Variants in CYSTM1 observed in about 807,000 individuals in gnomAD.
CYSTM1 encodes cysteine-rich transmembrane module-containing protein 1.
In CYSTM1, 4 loss-of-function variants were observed where a neutral mutation model predicts 13.1. The ratio of observed to expected loss-of-function variants is 0.31; its 90% CI spans 0.15 to 0.70. The LOEUF (loss-of-function observed/expected upper bound fraction) is 0.70. CYSTM1 is among the 30% of genes least tolerant of loss of function. CYSTM1 has a pLI of 0.72. For missense variants in CYSTM1, 96 were observed against 121.6 expected, an observed-to-expected ratio of 0.79 and a Z score of 0.99; for synonymous variants, 36 against 42.7, an observed-to-expected ratio of 0.84 and a Z score of 0.62.
chr5:140,234,969 ATTT>A (rs33916926), intron 2 of CYSTM1, among the ~76,000 whole-genome samples: 52 of 126,970 alleles, frequency 4.1e-4, no homozygotes, highest in East Asian at 4.5e-4. Context: ...CTCATTCATA[ATTT>A]TTTTTTTTTT....
chr5:140,230,317 A>G lies in CYSTM1; in HGVS notation c.188-12988A>G, dbSNP rs921624007. On this transcript the variant is annotated intron_variant, in intron 2 of 2. Transcript: ENST00000261811. The surrounding 1 kb of genome is among the most constrained non-coding windows in gnomAD (Gnocchi z 4.1). ...GCCTGATGTGCTAGAAGCCAATTCC[A>G]TGACACTGGGTTTTTGAGAAAAGAA... Among the ~76,000 whole-genome samples the G allele has an allele frequency of 3.9e-5, 6 of 152,238 alleles. No homozygotes were observed. The highest frequency in any genetic ancestry group is 3.3e-4 in the Admixed American group (5 of 15,286).
intron 1 of CYSTM1, among the ~76,000 whole-genome samples, chr5:140,182,101 G>C (rs765561886): frequency 2.0e-5 from 3 of 152,140 alleles, no homozygotes; most frequent in African/African-American, 4.8e-5. Flanking sequence ...TTGTTTAAAA[G>C]GGAAACGATA....
intron 1 of CYSTM1, among the ~76,000 whole-genome samples, chr5:140,179,335 G>C (rs10067867): frequency 0.23 from 34,941 of 151,518 alleles, 4,056 homozygotes; most frequent in African/African-American, 0.25. Context: ...GAGGTGGGTG[G>C]ATTGCTTGAG....
chr5:140,207,171 A>G (rs1009228965), intron 2 of CYSTM1, among the ~76,000 whole-genome samples: 1 of 152,164 alleles, frequency 6.6e-6, no homozygotes, highest in South Asian at 2.1e-4. Flanking sequence ...CTGGACACAT[A>G]TATACCTTTT....
chr5:140,221,776 G>A (rs564658287), intron 2 of CYSTM1, among the ~76,000 whole-genome samples: 8 of 152,272 alleles, frequency 5.3e-5, no homozygotes, highest in South Asian at 2.1e-4. Context: ...ATGAATCACC[G>A]TTCTCTGCTG....
At chr5:140,176,050 G>C (rs542475937) in intron 1 of CYSTM1, among the ~76,000 whole-genome samples, 1 of 152,300 alleles carries the variant, frequency 6.6e-6, no homozygotes, top group East Asian at 1.9e-4. Flanking sequence ...CCGTCTGCTG[G>C]GCTGTTTTGG....
chr5:140,208,133 C>T (rs116161024), intron 2 of CYSTM1, among the ~76,000 whole-genome samples: 2,307 of 152,330 alleles, frequency 0.015, 21 homozygotes, highest in Non-Finnish European at 0.023. Flanking sequence ...AAAGAGATAC[C>T]TGCACTCTCA....
At chr5:140,193,391 C>T (rs1242938855) in intron 1 of CYSTM1, among the ~76,000 whole-genome samples, 2 of 152,224 alleles carry the variant, frequency 1.3e-5, no homozygotes, top group Admixed American at 1.3e-4. Flanking sequence ...TCAAGCGATT[C>T]TCCTGCCTCA....
At chr5:140,202,779 G>A (rs1764248577) in intron 2 of CYSTM1, 1 of 152,176 alleles carries the variant, frequency 6.6e-6, no homozygotes, top group Admixed American at 6.5e-5. Context: ...CAACTGCTGG[G>A]AGGGGTCAGG....
chr5:140,184,638 T>G (rs867710227), intron 1 of CYSTM1, among the ~76,000 whole-genome samples: 3 of 152,202 alleles, frequency 2.0e-5, no homozygotes, highest in South Asian at 4.1e-4. Flanking sequence ...TCATTTTAGT[T>G]GTTGATATTT....
chr5:140,228,469 T>C (rs563013241), intron 2 of CYSTM1, among the ~76,000 whole-genome samples: 1 of 152,138 alleles, frequency 6.6e-6, no homozygotes, highest in Admixed American at 6.5e-5. Flanking sequence ...AAGTACTGGG[T>C]TGGGTTTCCT....
intron 2 of CYSTM1, among the ~76,000 whole-genome samples, chr5:140,223,701 T>G (rs145551636): frequency 6.4e-4 from 96 of 148,930 alleles, no homozygotes; most frequent in African/African-American, 2.4e-3. Context: ...TAACCCAGCT[T>G]TCAGCTGGGT....
chr5:140,223,911 A>G (rs576956337), intron 2 of CYSTM1, among the ~76,000 whole-genome samples: 1 of 152,218 alleles, frequency 6.6e-6, no homozygotes. Flanking sequence ...AAGTTATTCC[A>G]GGGTGAGCCA....
intron 2 of CYSTM1, among the ~76,000 whole-genome samples, chr5:140,220,112 ATC>A (rs1554133219): frequency 6.6e-6 from 1 of 152,108 alleles, no homozygotes; most frequent in Non-Finnish European, 1.5e-5. Context: ...GTCATTTCCT[ATC>A]TCTGTTTCAC....
At chr5:140,227,722 T>G (rs1383132710) in intron 2 of CYSTM1, among the ~76,000 whole-genome samples, 1 of 152,046 alleles carries the variant, frequency 6.6e-6, no homozygotes, top group Non-Finnish European at 1.5e-5. Context: ...TTAGAGCAGT[T>G]GAAATAGACG....
chr5:140,223,333 G>A (rs1375642194), intron 2 of CYSTM1, among the ~76,000 whole-genome samples: 2 of 152,198 alleles, frequency 1.3e-5, no homozygotes, highest in Non-Finnish European at 2.9e-5. Flanking sequence ...GGAGTGGGAA[G>A]GATCAAACAA....
chr5:140,198,177 C>A (rs1475807692), intron 2 of CYSTM1, among the ~76,000 whole-genome samples: 1 of 152,222 alleles, frequency 6.6e-6, no homozygotes, highest in East Asian at 1.9e-4. Flanking sequence ...GTAATCTTCA[C>A]AACAACCCCA....
At chr5:140,242,698 G>A (rs1441622086) in intron 2 of CYSTM1, among the ~76,000 whole-genome samples, 1 of 152,162 alleles carries the variant, frequency 6.6e-6, no homozygotes, top group East Asian at 1.9e-4. Flanking sequence ...TGGAGGAAAA[G>A]TGAGCATGCT....
At chr5:140,193,881 C>A (rs577497209) in intron 1 of CYSTM1, among the ~76,000 whole-genome samples, 60 of 152,306 alleles carry the variant, frequency 3.9e-4, no homozygotes, top group African/African-American at 1.4e-3. Flanking sequence ...CTGGGGAGAA[C>A]AACCAGATCA....
Sources: gnomAD v4.1 joint callset for allele counts (sites outside exome capture counted in the v4.1 genomes callset) on GRCh38, gnomAD v4.1.1 for gene constraint, Gnocchi (gnomAD v3.1) non-coding constraint, MANE v1.5 for transcripts, NCBI Gene and HGNC (gene_info 2026-07-23, HGNC 2026-07-21) for gene names.